Variants in VEPH1 observed in about 807,000 individuals in gnomAD.
VEPH1 encodes ventricular zone-expressed PH domain-containing protein homolog 1.
A neutral mutation model predicts 85.2 loss-of-function variants in VEPH1; 80 were observed. That is an observed-to-expected ratio of 0.94 (90% CI 0.78 to 1.13). The LOEUF is 1.13. VEPH1 is among the 50% of genes most tolerant of loss of function. The probability of loss-of-function intolerance (pLI) is 0.00; values close to 1 mark genes in which losing one functional copy is unlikely to be tolerated. For missense variants in VEPH1, 955 were observed against 980.5 expected (o/e 0.97, Z 0.35); for synonymous variants, 297 against 348.0 (o/e 0.85, Z 1.63).
At chr3:157,362,507 T>C (rs1303586696) in intron 9 of VEPH1, among the ~76,000 whole-genome samples, 1 of 152,172 alleles carries the variant, frequency 6.6e-6, no homozygotes. Context: ...GCCCTTTTCT[T>C]TGTGTATGGA....
intron 9 of VEPH1, among the ~76,000 whole-genome samples, chr3:157,355,587 G>C (rs747501996): frequency 6.6e-5 from 10 of 152,230 alleles, no homozygotes; most frequent in Non-Finnish European, 1.5e-4. Context: ...GGGAGACACA[G>C]TCACCTGTCA....
intron 1 of VEPH1, among the ~76,000 whole-genome samples, chr3:157,501,068 A>G (rs555683633): frequency 5.0e-4 from 76 of 152,362 alleles, no homozygotes; most frequent in African/African-American, 1.7e-3. Context: ...ACCAGTTAAC[A>G]CATCCCCATG....
chr3:157,475,859 G>C (rs976690926), intron 2 of VEPH1, among the ~76,000 whole-genome samples: 2 of 152,202 alleles, frequency 1.3e-5, no homozygotes, highest in African/African-American at 4.8e-5. Context: ...AATTTTGTGT[G>C]GCAAGAGAAA....
At chr3:157,324,522 T>C (rs923915659) in intron 9 of VEPH1, among the ~76,000 whole-genome samples, 1 of 152,182 alleles carries the variant, frequency 6.6e-6, no homozygotes, top group African/African-American at 2.4e-5. Context: ...GGCCTCAGTA[T>C]GTGTTGCTTC....
chr3:157,488,426 T>C (rs144440304), intron 2 of VEPH1, among the ~76,000 whole-genome samples: 1 of 152,236 alleles, frequency 6.6e-6, no homozygotes, highest in African/African-American at 2.4e-5. Context: ...ATCAGTGGCA[T>C]TTGACATCAC....
intron 2 of VEPH1, among the ~76,000 whole-genome samples, chr3:157,492,527 T>C (rs1739311626): frequency 6.6e-6 from 1 of 152,128 alleles, no homozygotes; most frequent in South Asian, 2.1e-4. Flanking sequence ...GTCACTAAGA[T>C]GTTTAGCTGG....
At chr3:157,398,498 G>A (rs910068126) in intron 6 of VEPH1, among the ~76,000 whole-genome samples, 4 of 152,110 alleles carry the variant, frequency 2.6e-5, no homozygotes, top group Admixed American at 6.5e-5. Context: ...GCTGGGCATG[G>A]TGGTGCGCAA....
intron 4 of VEPH1, chr3:157,443,145 T>A (rs559209370): frequency 1.3e-6 from 1 of 786,424 alleles, no homozygotes; most frequent in African/African-American, 1.7e-5. Flanking sequence ...AATAAACAGT[T>A]GAAGGAAAGA....
chr3:157,429,739 T>C (rs1733006052), intron 4 of VEPH1, among the ~76,000 whole-genome samples: 1 of 152,308 alleles, frequency 6.6e-6, no homozygotes, highest in African/African-American at 2.4e-5. Context: ...CCTTAAAAGA[T>C]CAGGAATTTT....
At chr3:157,326,649 T>C (rs1184576956) in intron 9 of VEPH1, among the ~76,000 whole-genome samples, 1 of 152,190 alleles carries the variant, frequency 6.6e-6, no homozygotes, top group Non-Finnish European at 1.5e-5. Context: ...GTTTTAGTTC[T>C]GGCAAGGAAA....
chr3:157,305,883 A>G (rs1719461823), intron 11 of VEPH1, among the ~76,000 whole-genome samples: 1 of 152,176 alleles, frequency 6.6e-6, no homozygotes, highest in South Asian at 2.1e-4. Context: ...TTCTTCGTTC[A>G]TTGATTATTG....
chr3:157,264,247 C>G (rs1436150950), intron 13 of VEPH1, among the ~76,000 whole-genome samples: 2 of 152,202 alleles, frequency 1.3e-5, no homozygotes, highest in Admixed American at 6.5e-5. Flanking sequence ...ATCCCTCCCC[C>G]CAGCTCACTG....
chr3:157,499,285 G>A (rs1410830884), intron 1 of VEPH1: 1 of 146,076 alleles, frequency 6.8e-6, no homozygotes, highest in African/African-American at 2.6e-5. Context: ...GTATTTGCTG[G>A]CGAATCAGCT....
intron 9 of VEPH1, among the ~76,000 whole-genome samples, chr3:157,332,574 A>AT (rs929692301): frequency 1.5e-4 from 23 of 151,798 alleles, no homozygotes; most frequent in African/African-American, 5.6e-4. Flanking sequence ...TCAGTATTTC[A>AT]TTTTTTTTGC....
chr3:157,359,863 G>A (rs921720512), intron 9 of VEPH1, among the ~76,000 whole-genome samples: 16 of 152,106 alleles, frequency 1.1e-4, no homozygotes, highest in Admixed American at 3.9e-4. Context: ...TTGTTTTGTC[G>A]TGTTCCTAGC....
At chr3:157,418,646 A>C (rs1732101136) in intron 5 of VEPH1, among the ~76,000 whole-genome samples, 1 of 152,212 alleles carries the variant, frequency 6.6e-6, no homozygotes, top group South Asian at 2.1e-4. Flanking sequence ...GACCTCTTTA[A>C]GCAGAACTAC....
intron 5 of VEPH1, among the ~76,000 whole-genome samples, chr3:157,423,905 A>G (rs899612873): frequency 6.6e-5 from 10 of 151,994 alleles, no homozygotes; most frequent in Non-Finnish European, 1.0e-4. Context: ...GTCTTCACTT[A>G]AGCATTGATT....
intron 4 of VEPH1, among the ~76,000 whole-genome samples, chr3:157,446,911 T>C (rs1734596746): frequency 6.6e-6 from 1 of 152,202 alleles, no homozygotes; most frequent in Non-Finnish European, 1.5e-5. Context: ...GCCTGTCAAG[T>C]AATCTCTATG....
chr3:157,396,376 T>C (rs550279721), intron 6 of VEPH1, among the ~76,000 whole-genome samples: 3 of 152,366 alleles, frequency 2.0e-5, no homozygotes, highest in South Asian at 4.1e-4. Context: ...GTCTTTGCTA[T>C]TGTGAATAGT....
Sources: gnomAD v4.1 joint callset for allele counts (sites outside exome capture counted in the v4.1 genomes callset) on GRCh38, gnomAD v4.1.1 for gene constraint, MANE v1.5 for transcripts, NCBI Gene and HGNC (gene_info 2026-07-23, HGNC 2026-07-21) for gene names.